Variants in LILRA4 observed in about 807,000 individuals in gnomAD.
LILRA4 encodes the protein leukocyte immunoglobulin-like receptor subfamily A member 4.
In LILRA4, 51 loss-of-function variants were observed where a neutral mutation model predicts 49.5. The observed-to-expected ratio is 1.03, with a 90% CI of 0.82 to 1.30. LILRA4 has a LOEUF of 1.30. Among genes scored for constraint, LILRA4 ranks in the 50% most tolerant of loss-of-function variants. The probability of loss-of-function intolerance (pLI) is 0.00; values close to 1 mark genes in which losing one functional copy is unlikely to be tolerated. For missense variants in LILRA4, 624 were observed against 625.6 expected (o/e 1.00, Z 0.03); for synonymous variants, 272 against 265.6 (o/e 1.02, Z -0.23).
rs141838994 is a variant in LILRA4, at chr19:54,337,098, G to A, written c.998C>T (p.Thr333Met). The change falls in exon 6 of 8, where the codon ACG (threonine) becomes ATG (methionine). Residue 333 changes from threonine to methionine, a missense_variant. Transcript: ENST00000291759. ...RPSLSVQPGP[T>M]VTSGEKVTLL... The stretch of plus-strand genomic sequence containing the variant: ...GGTCACCTTCTCTCCTGAGGTCACC[G>A]TGGGGCCCGGCTGCACTGAGAGGGA... 33 of 1,613,816 alleles carry A rather than the reference G, an allele frequency of 2.0e-5. No homozygotes were observed. Among genetic ancestry groups the A allele is most frequent in the African/African-American group, 1.1e-4 (8 of 74,852 alleles).
chr19:54,338,944 A>G (rs1323096594), intron 1 of LILRA4, 43 bp from the exon 2 acceptor site: 2 of 1,613,998 alleles, frequency 1.2e-6, no homozygotes, highest in Non-Finnish European at 1.7e-6. Flanking sequence ...CCGAAGCCTG[A>G]GCAGGTCTTC....
intron 7 of LILRA4, 34 bp from the exon 8 acceptor site, chr19:54,333,799 A>G: frequency 6.2e-7 from 1 of 1,613,638 alleles, no homozygotes; most frequent in African/African-American, 1.3e-5. Flanking sequence ...CACAGAGGTC[A>G]GGGCAGATCA....
In LILRA4 at chr19:54,338,067, T is replaced by C; in HGVS notation, c.524A>G (p.Lys175Arg). 1 of 1,614,094 alleles carries C rather than the reference T, an allele frequency of 6.2e-7. No individual in the cohort carries two copies. Among genetic ancestry groups the C allele is most frequent in the Non-Finnish European group, 8.5e-7 (1 of 1,180,004 alleles). The change falls in exon 4 of 8, where the codon AAG becomes AGG. Residue 175 changes from lysine (K) to arginine (R), a missense_variant. By Grantham distance (26) the Lys-to-Arg change is conservative (BLOSUM62 2). Coordinates refer to ENST00000291759, the MANE Select transcript of LILRA4 (RefSeq NM_012276.5). ...GCCCATGGGGAACAGGGCCTGGAAC[T>C]TTCCATGGTTGTGTTGGTGTGAGTT... ...TLNSHQHNHG[K>R]FQALFPMGPL... is the part of the protein sequence containing the mutation.
intron 5 of LILRA4, 56 bp downstream of exon 5, chr19:54,337,344 C>G: frequency 1.3e-6 from 2 of 1,593,338 alleles, no homozygotes; most frequent in African/African-American, 1.3e-5. Flanking sequence ...TGGGCTCCCC[C>G]AGCAGGGCCT....
At position 54,333,346 on chromosome 19, in the gene LILRA4, A is replaced by C; in HGVS notation, c.*226T>G. On this transcript the variant is annotated 3_prime_UTR_variant, in exon 8 of 8. Coordinates refer to ENST00000291759, the MANE Select transcript of LILRA4 (RefSeq NM_012276.5). ...ATGAGGTCACAGAGGGGCGGACCCAAACCCACCATAGGGGTGAAGCCTTAC... is the reference window on the plus strand; with the variant it reads ...ATGAGGTCACAGAGGGGCGGACCCACACCCACCATAGGGGTGAAGCCTTAC... 3.4e-6 allele frequency: 2 copies of C among 581,350 alleles called. No homozygotes were observed. The highest frequency in any genetic ancestry group is 4.7e-5 in the South Asian group (2 of 42,458). The allele number at this position is 581,350 out of a possible 1,614,324, so 36.0% of individuals were successfully genotyped here. A position where few individuals can be genotyped will look rare whatever the true frequency, so the allele number is the denominator to read the frequency against.
At chr19:54,335,135 C>T (rs1027569097) in intron 6 of LILRA4, 11 of 151,956 alleles carry the variant, frequency 7.2e-5, no homozygotes, top group African/African-American at 2.7e-4. Context: ...ATGTGATTAA[C>T]ATGGTTTATA....
chr19:54,338,574 A>G lies in LILRA4; in HGVS notation c.177T>C (p.Arg59=). ...CQGTLEAQGY[R]LDKEGNSMSR... is the part of the protein sequence containing the mutation. The stretch of plus-strand genomic sequence containing the variant: ...ACATTGAGTTTCCCTCTTTATCCAG[A>G]CGGTACCCCTGGGCCTCCAGGGTGC... The change falls in exon 3 of 8, where the codon CGT becomes CGC. Residue 59 remains arginine (R), a synonymous_variant. Transcript: ENST00000291759. The G allele has an allele frequency of 6.2e-7, 1 of 1,614,044 alleles. No homozygotes were observed. The highest frequency in any genetic ancestry group is 8.5e-7 in the Non-Finnish European group (1 of 1,179,966).
chr19:54,338,027 G>A lies in LILRA4; in HGVS notation c.564C>T (p.Ser188=). ...CGTAGCATCTGAATGTACCCCTGTT[G>A]CTGAAGGTCAGGGGGCCCATGGGGA... is the stretch of plus-strand genomic sequence containing the variant. ...ALFPMGPLTF[S]NRGTFRCYGY... The change falls in exon 4 of 8, where the codon AGC becomes AGT. Residue 188 remains serine, a synonymous_variant. Coordinates refer to ENST00000291759, the MANE Select transcript of LILRA4 (RefSeq NM_012276.5). The A allele has an allele frequency of 1.2e-6, 2 of 1,614,064 alleles. No individual in the cohort carries two copies. Among genetic ancestry groups the A allele is most frequent in the Non-Finnish European group, 1.7e-6 (2 of 1,179,964 alleles).
At chr19:54,339,029 A>G in intron 1 of LILRA4, 31 bp downstream of exon 1, 1 of 1,613,732 alleles carries the variant, frequency 6.2e-7, no homozygotes, top group Admixed American at 1.7e-5. Context: ...CTCCTAGACT[A>G]GGGTCTCTCC....
chr19:54,333,801 G>C, intron 7 of LILRA4, 36 bp from the exon 8 acceptor site: 2 of 1,613,526 alleles, frequency 1.2e-6, no homozygotes, highest in Non-Finnish European at 1.7e-6. Flanking sequence ...CAGAGGTCAG[G>C]GCAGATCACA....
At position 54,337,017 on chromosome 19, in the gene LILRA4, G is replaced by T; in HGVS notation, c.1079C>A (p.Ala360Glu). 1 of 1,614,130 alleles carries T rather than the reference G, an allele frequency of 6.2e-7. No homozygotes were observed. Among genetic ancestry groups the T allele is most frequent in the African/African-American group, 1.3e-5 (1 of 75,032 alleles). The change falls in exon 6 of 8, where the codon GCA becomes GAA. Residue 360 changes from alanine to glutamate, a missense_variant. By Grantham distance (107) the Ala-to-Glu change is moderately radical (BLOSUM62 -1). Coordinates refer to ENST00000291759, the MANE Select transcript of LILRA4 (RefSeq NM_012276.5). ...MFTFLLTKEG[A>E]AHPPLRLRSM... ...TCTCAGACGCAACGGGGGATGGGCTGCCCCCTCCTTGGTCAGAAGGAAAGT... is the reference window on the plus strand; with the variant it reads ...TCTCAGACGCAACGGGGGATGGGCTTCCCCCTCCTTGGTCAGAAGGAAAGT...
At position 54,333,713 on chromosome 19, in the gene LILRA4, A is replaced by T. The variant is rs144295398; in HGVS notation, c.1359T>A (p.Ala453=). 2.1e-4 allele frequency: 338 copies of T among 1,614,168 alleles called. 1 individual carries two copies. Among genetic ancestry groups the T allele is most frequent in the African/African-American group, 1.4e-3 (102 of 75,024 alleles). The change falls in exon 8 of 8, where the codon GCT becomes GCA. Residue 453 remains alanine, a synonymous_variant. Transcript: ENST00000291759. ...TVENLIRMGV[A]GLVLLFLGIL... ...TCCCGAGGAACAGCAGGACCAAGCC[A>T]GCCACACCCATGCGGATGAGATTCT...
Position 54,337,685 on chromosome 19 carries a change from T to C in LILRA4, c.667A>G (p.Lys223Glu). Reference sequence around the variant, plus strand: ...CCCTGCAGGGTCAGGAGGGAGGGCTTCCTAGACACGCCTGGAGGGAAAGAT... The same window carrying C: ...CCCTGCAGGGTCAGGAGGGAGGGCTCCCTAGACACGCCTGGAGGGAAAGAT... Reference protein sequence around the residue: ...LQLLVSGVSRKPSLLTLQGPV... With the variant: ...LQLLVSGVSREPSLLTLQGPV... Residue 223 changes from lysine to glutamate, a missense_variant, in exon 5 of 8, where the codon AAG becomes GAG. Transcript: ENST00000291759. 1 of 1,612,354 alleles carries C rather than the reference T, an allele frequency of 6.2e-7. No individual in the cohort carries two copies. The highest frequency in any genetic ancestry group is 8.5e-7 in the Non-Finnish European group (1 of 1,179,496).
At position 54,337,979 on chromosome 19, in the gene LILRA4, G is replaced by A. The variant is rs149766788; in HGVS notation, c.612C>T (p.Tyr204=). 54 of 1,613,646 alleles carry A rather than the reference G, an allele frequency of 3.3e-5. No individual in the cohort carries two copies. The highest frequency in any genetic ancestry group is 2.9e-4 in the East Asian group (13 of 44,828). ...RCYGYENNTP[Y]VWSEPSDPLQ... ...GGGGGTCACTGGGTTCCGACCACACGTATGGGGTGTTGTTTTCATAGCCGT... is the reference window on the plus strand; with the variant it reads ...GGGGGTCACTGGGTTCCGACCACACATATGGGGTGTTGTTTTCATAGCCGT... The change falls in exon 4 of 8, where the codon TAC becomes TAT. Residue 204 remains tyrosine, a synonymous_variant. Transcript: ENST00000291759.
Position 54,338,499 on chromosome 19 carries a change from G to A in LILRA4, c.252C>T (p.Ser84=), listed in dbSNP as rs1206992769. ...CATGTTCCCACATCATGGATGGGATGGAGAGTTTGACCTTGTTTTCAGACT... is the reference window on the plus strand; with the variant it reads ...CATGTTCCCACATCATGGATGGGATAGAGAGTTTGACCTTGTTTTCAGACT... ...TLESENKVKL[S]IPSMMWEHAG... Residue 84 remains serine (S), a synonymous_variant, in exon 3 of 8, where the codon TCC becomes TCT. Coordinates refer to ENST00000291759, the MANE Select transcript of LILRA4 (RefSeq NM_012276.5). The A allele has an allele frequency of 1.9e-6, 3 of 1,614,122 alleles. No individual in the cohort carries two copies. The highest frequency in any genetic ancestry group is 4.5e-5 in the East Asian group (2 of 44,874).
In LILRA4 at chr19:54,333,511, G is replaced by C; in HGVS notation, c.*61C>G. On this transcript the variant is annotated 3_prime_UTR_variant, in exon 8 of 8. Coordinates refer to ENST00000291759, the MANE Select transcript of LILRA4 (RefSeq NM_012276.5). Reference sequence around the variant, plus strand: ...CACCTGACCCATGCTTCTTCCCCTTGATATTCTCAGCAGACACTTCCCCAA... The same window carrying C: ...CACCTGACCCATGCTTCTTCCCCTTCATATTCTCAGCAGACACTTCCCCAA... 1.3e-6 allele frequency: 2 copies of C among 1,524,512 alleles called. No homozygotes were observed. The highest frequency in any genetic ancestry group is 1.1e-5 in the South Asian group (1 of 88,524). 94.4% of individuals were successfully genotyped at this position (1,524,512 alleles called of 1,614,324 possible). A position where few individuals can be genotyped will look rare whatever the true frequency, so the allele number is the denominator to read the frequency against.
At position 54,336,983 on chromosome 19, in the gene LILRA4, G is replaced by T; in HGVS notation, c.1113C>A (p.Tyr371Ter). 6.2e-7 allele frequency: 1 copy of T among 1,606,860 alleles called. No individual in the cohort carries two copies. Among genetic ancestry groups the T allele is most frequent in the Non-Finnish European group, 8.5e-7 (1 of 1,176,102 alleles). Reference protein sequence around the residue: ...AHPPLRLRSMYGAHKYQAEFP... With the variant: ...AHPPLRLRSM ...ATTCAGCCTGGTACTTATGAGCTCCGTACATTGATCTCAGACGCAACGGGG... is the reference window on the plus strand; with the variant it reads ...ATTCAGCCTGGTACTTATGAGCTCCTTACATTGATCTCAGACGCAACGGGG... Residue 371 changes from tyrosine (Y) to a stop codon, truncating the protein, a stop_gained, in exon 6 of 8, where the codon TAC becomes TAA. Coordinates refer to ENST00000291759, the MANE Select transcript of LILRA4 (RefSeq NM_012276.5). LOFTEE classifies it high-confidence loss of function.
chr19:54,334,266 T>C, intron 6 of LILRA4: 1 of 370,584 alleles, frequency 2.7e-6, no homozygotes, highest in East Asian at 4.7e-5. Flanking sequence ...TGTGCTGTCT[T>C]GGATGTGCAA....
At chr19:54,336,304 C>T (rs1266568032) in intron 6 of LILRA4, 2 of 168,600 alleles carry the variant, frequency 1.2e-5, no homozygotes, top group Non-Finnish European at 2.6e-5. Context: ...TATACTGGGT[C>T]AGAGTAACTG....
Sources: allele counts gnomAD v4.1 joint callset, GRCh38; gene constraint gnomAD v4.1.1; transcripts MANE v1.5; gene names NCBI Gene and HGNC (gene_info 2026-07-23, HGNC 2026-07-21).